Variants in DDX6 observed in about 807,000 individuals in gnomAD.
DDX6 encodes the protein DEAD-box helicase 6, also known as probable ATP-dependent RNA helicase DDX6.
Under a neutral mutation model 60.6 loss-of-function variants are expected in DDX6, and 7 were observed. The observed-to-expected ratio is 0.12, with a 90% CI of 0.07 to 0.22. The LOEUF (loss-of-function observed/expected upper bound fraction) is 0.22, where lower values mean the gene tolerates loss of function less well. DDX6 is among the 10% of genes least tolerant of loss of function. DDX6 has a pLI of 1.00. For missense variants in DDX6, 270 were observed against 589.9 expected (o/e 0.46, Z 5.62); for synonymous variants, 207 against 201.0 (o/e 1.03, Z -0.25).
Position 118,763,526 on chromosome 11 carries a change from T to C in DDX6, c.647-220A>G, listed in dbSNP as rs533100005. Among the ~76,000 whole-genome samples the C allele has an allele frequency of 1.5e-4, 23 of 151,986 alleles. No individual in the cohort carries two copies. The South Asian group carries it at 4.4e-3, about 29-fold the overall frequency. On this transcript the variant is annotated intron_variant, in intron 6 of 13. Coordinates refer to ENST00000534980, the MANE Select transcript of DDX6 (RefSeq NM_004397.6). ...TGACCACAACATTGTATGCAGCACATGACTATCTTTTATTAGAAACAACTA... is the reference window on the plus strand; with the variant it reads ...TGACCACAACATTGTATGCAGCACACGACTATCTTTTATTAGAAACAACTA...
chr11:118,756,009 A>AAC (rs1591884651), intron 11 of DDX6, among the ~76,000 whole-genome samples: 1 of 62,260 alleles, frequency 1.6e-5, no homozygotes, highest in Non-Finnish European at 3.0e-5. Context: ...CAAAGATTCC[A>AAC]TCCCCCTCCC....
Position 118,765,375 on chromosome 11 carries a change from T to C in DDX6, c.500-20A>G. On this transcript the variant is annotated intron_variant, in intron 5 of 13. Coordinates refer to ENST00000534980, the MANE Select transcript of DDX6 (RefSeq NM_004397.6). ...CCATTGCTGAAACAGTATCAAGGAA[T>C]ATATAAGAAAATATGGGGTGAGGTG... is the stretch of plus-strand genomic sequence containing the variant. 2 of 1,613,194 alleles carry C rather than the reference T, an allele frequency of 1.2e-6. No individual in the cohort carries two copies. Among genetic ancestry groups the C allele is most frequent in the Non-Finnish European group, 8.5e-7 (1 of 1,179,246 alleles).
chr11:118,759,094 C>G, intron 8 of DDX6, 192 bp from the exon 9 acceptor site: 1 of 660,074 alleles, frequency 1.5e-6, no homozygotes, highest in Non-Finnish European at 2.4e-6. Context: ...AAATCTTGCT[C>G]TGTCACCCAG....
intron 4 of DDX6, among the ~76,000 whole-genome samples, chr11:118,770,221 T>G (rs1861492312): frequency 6.6e-6 from 1 of 151,578 alleles, no homozygotes; most frequent in Middle Eastern, 3.4e-3. Flanking sequence ...AGACGGGGTG[T>G]TTCACCATGT....
chr11:118,791,373 C>A (rs1163627547), upstream of DDX6: 1 of 152,012 alleles, frequency 6.6e-6, no homozygotes, highest in Non-Finnish European at 1.5e-5. Flanking sequence ...AAATGGAGGG[C>A]CCTTCTCTCA....
At chr11:118,786,923 CATTA>C (rs1862093620) in intron 1 of DDX6, 1 of 152,156 alleles carries the variant, frequency 6.6e-6, no homozygotes. Flanking sequence ...CAAGACAATT[CATTA>C]ATTTTCTTCT....
At chr11:118,773,809 T>C (rs1345580172) in intron 4 of DDX6, among the ~76,000 whole-genome samples, 1 of 151,052 alleles carries the variant, frequency 6.6e-6, no homozygotes, top group Admixed American at 6.6e-5. Context: ...TGTGACAAAC[T>C]GAGACTCTGT....
chr11:118,786,160 G>C lies in DDX6; in HGVS notation c.92C>G (p.Pro31Arg), dbSNP rs1862067400. ...LRGPVKPTGGPGGGGTQTQQQ... is the reference protein window; with the variant it reads ...LRGPVKPTGGRGGGGTQTQQQ... Reference sequence around the variant, plus strand: ...CTGTGTCTGTGTGCCCCCTCCTCCAGGGCCACCAGTGGGTTTCACAGGGCC... The same window carrying C: ...CTGTGTCTGTGTGCCCCCTCCTCCACGGCCACCAGTGGGTTTCACAGGGCC... The change falls in exon 2 of 14, where the codon CCT (proline) becomes CGT (arginine). Residue 31 changes from proline (P) to arginine (R), a missense_variant. Physicochemically the swap from Pro to Arg is moderately radical, Grantham distance 103. Around this residue, in one of 8 missense-constraint regions of DDX6, gnomAD observed 102 missense variants for 110.5 expected, o/e 0.92. Coordinates refer to ENST00000534980, the MANE Select transcript of DDX6 (RefSeq NM_004397.6). 1 of 1,613,908 alleles carries C rather than the reference G, an allele frequency of 6.2e-7. No individual in the cohort carries two copies. Among genetic ancestry groups the C allele is most frequent in the Non-Finnish European group, 8.5e-7 (1 of 1,179,876 alleles).
At chr11:118,778,319 A>C (rs1861773374) in intron 4 of DDX6, among the ~76,000 whole-genome samples, 1 of 152,218 alleles carries the variant, frequency 6.6e-6, no homozygotes, top group Non-Finnish European at 1.5e-5. Context: ...AGCTACAAGT[A>C]TCTTTGGCTA....
In DDX6 at chr11:118,751,788, T is replaced by TTAAA; in HGVS notation, c.*316_*317insTTTA. ...TTGTGTGTTCATTAAGATTCTTCTCTTTTTAGGGTTTCTCCCCTTCTCTTC... is the reference window on the plus strand; with the variant it reads ...TTGTGTGTTCATTAAGATTCTTCTCTTAAATTTTAGGGTTTCTCCCCTTCTCTTC... On this transcript the variant is annotated 3_prime_UTR_variant, in exon 14 of 14. Transcript: ENST00000534980. 2.7e-6 allele frequency: 1 copy of TTAAA among 365,560 alleles called. No homozygotes were observed. Among genetic ancestry groups the TTAAA allele is most frequent in the South Asian group, 2.0e-5 (1 of 49,092 alleles). 22.6% of individuals were successfully genotyped at this position (365,560 alleles called of 1,614,324 possible).
intron 10 of DDX6, among the ~76,000 whole-genome samples, chr11:118,756,702 T>C (rs1392296809): frequency 6.6e-6 from 1 of 152,230 alleles, no homozygotes; most frequent in African/African-American, 2.4e-5. Flanking sequence ...AAAACTTCTA[T>C]AATAAAGGAA....
At chr11:118,756,920 G>A (rs1860997961) in intron 10 of DDX6, among the ~76,000 whole-genome samples, 1 of 152,144 alleles carries the variant, frequency 6.6e-6, no homozygotes, top group African/African-American at 2.4e-5. Context: ...TTTGTATCAT[G>A]CCTGACAGCT....
At chr11:118,768,170 C>T in intron 5 of DDX6, 53 bp downstream of exon 5, 2 of 1,560,054 alleles carry the variant, frequency 1.3e-6, no homozygotes, top group Non-Finnish European at 1.7e-6. Context: ...ACACATGGCT[C>T]CAAGGCTGAA....
chr11:118,755,608 G>T, intron 11 of DDX6, 105 bp from the exon 12 acceptor site: 1 of 654,616 alleles, frequency 1.5e-6, no homozygotes, highest in South Asian at 2.0e-5. Context: ...ATTTAATTCA[G>T]TTATTCAAAT....
intron 5 of DDX6, among the ~76,000 whole-genome samples, chr11:118,766,630 T>C (rs577075988): frequency 6.6e-6 from 1 of 152,186 alleles, no homozygotes; most frequent in African/African-American, 2.4e-5. Flanking sequence ...TCTTGCTCTG[T>C]TGTCCAGGCT....
At chr11:118,762,092 T>C (rs1449572162) in intron 7 of DDX6, among the ~76,000 whole-genome samples, 11 of 151,838 alleles carry the variant, frequency 7.2e-5, no homozygotes, top group East Asian at 1.9e-4. Flanking sequence ...CTGGCCAACA[T>C]TGCAAAACCG....
intron 3 of DDX6, 150 bp from the exon 4 acceptor site, chr11:118,779,886 C>A (rs753915999): frequency 1.8e-6 from 1 of 568,080 alleles, no homozygotes; most frequent in East Asian, 3.2e-5. Flanking sequence ...GAGGCCAAGG[C>A]GGGCAGATCA....
intron 9 of DDX6, among the ~76,000 whole-genome samples, 186 bp downstream of exon 9, chr11:118,758,588 G>C (rs1861057749): frequency 6.6e-6 from 1 of 152,142 alleles, no homozygotes; most frequent in East Asian, 1.9e-4. Context: ...GGCCAGGCTG[G>C]TCTCAAACTC....
At chr11:118,764,231 G>A in intron 6 of DDX6, among the ~76,000 whole-genome samples, 1 of 152,066 alleles carries the variant, frequency 6.6e-6, no homozygotes, top group East Asian at 1.9e-4. Flanking sequence ...CTAAAATCAA[G>A]ATATAATTTT....
Sources: gnomAD v4.1 joint callset for allele counts (sites outside exome capture counted in the v4.1 genomes callset) on GRCh38, gnomAD v4.1.1 for gene constraint, gnomAD v4.1.1 regional missense constraint, MANE v1.5 for transcripts, NCBI Gene and HGNC (gene_info 2026-07-23, HGNC 2026-07-21) for gene names.